The following FBXL17 variants were observed in gnomAD, a reference collection of about 807,000 sequenced individuals.
FBXL17 encodes F-box and leucine rich repeat protein 17.
Under a neutral mutation model 66.2 loss-of-function variants are expected in FBXL17, and 22 were observed. The observed-to-expected ratio is 0.33, with a 90% CI of 0.24 to 0.47. The LOEUF is 0.47. Ranked by LOEUF, FBXL17 falls within the 20% of genes least tolerant of loss-of-function variation. FBXL17 has a pLI of 1.00. For missense variants in FBXL17, 878 were observed against 948.2 expected, an observed-to-expected ratio of 0.93 and a Z score of 0.97; for synonymous variants, 474 against 400.5, an observed-to-expected ratio of 1.18 and a Z score of -2.19.
intron 6 of FBXL17, among the ~76,000 whole-genome samples, chr5:108,173,097 G>A (rs750885058): frequency 2.6e-5 from 4 of 152,050 alleles, no homozygotes; most frequent in Non-Finnish European, 5.9e-5. Context: ...CACTGTGCCC[G>A]GCCAACAGCA....
chr5:108,231,728 G>A (rs927742374), intron 4 of FBXL17, among the ~76,000 whole-genome samples: 1 of 152,128 alleles, frequency 6.6e-6, no homozygotes, highest in Admixed American at 6.5e-5. Context: ...GGGTTACAGT[G>A]TTGGCTGGGG....
intron 4 of FBXL17, among the ~76,000 whole-genome samples, chr5:108,252,914 C>T (rs1467443177): frequency 6.6e-6 from 1 of 152,172 alleles, no homozygotes; most frequent in Non-Finnish European, 1.5e-5. Flanking sequence ...GAATCAGTTA[C>T]ACCTATACTC....
intron 8 of FBXL17, chr5:107,880,792 A>G (rs554465737): frequency 7.4e-7 from 1 of 1,353,120 alleles, no homozygotes; most frequent in East Asian, 2.6e-5. Flanking sequence ...GACTATGTAT[A>G]TGATTACTTT....
At chr5:108,097,772 G>C (rs2149936892) in intron 6 of FBXL17, among the ~76,000 whole-genome samples, 1 of 137,664 alleles carries the variant, frequency 7.3e-6, no homozygotes, top group Non-Finnish European at 1.6e-5. Flanking sequence ...CTGGAAGACA[G>C]AGCGAGACTC....
intron 7 of FBXL17, among the ~76,000 whole-genome samples, chr5:107,994,657 G>A (rs1480879226): frequency 1.3e-5 from 2 of 152,040 alleles, no homozygotes; most frequent in Admixed American, 6.5e-5. Flanking sequence ...GGTCAAGATG[G>A]TGAAACCCCA....
chr5:108,189,296 T>C (rs1333213529), intron 5 of FBXL17, among the ~76,000 whole-genome samples: 3 of 21,058 alleles, frequency 1.4e-4, no homozygotes, highest in Admixed American at 3.1e-4. Context: ...TAGGATGGGA[T>C]GGGATGGGAT....
intron 7 of FBXL17, among the ~76,000 whole-genome samples, chr5:108,008,058 A>G (rs1200275934): frequency 2.0e-5 from 3 of 152,234 alleles, no homozygotes; most frequent in African/African-American, 7.2e-5. Context: ...CATTAGGGGA[A>G]TAAGGGACTA....
intron 5 of FBXL17, among the ~76,000 whole-genome samples, chr5:108,200,003 A>C (rs547683319): frequency 5.3e-5 from 8 of 152,228 alleles, no homozygotes; most frequent in African/African-American, 1.9e-4. Context: ...CCAAAGCTGA[A>C]GACACTGAAG....
intron 7 of FBXL17, among the ~76,000 whole-genome samples, chr5:107,988,816 G>T (rs1053068365): frequency 1.3e-5 from 2 of 151,926 alleles, no homozygotes; most frequent in African/African-American, 4.8e-5. Flanking sequence ...AACTGCCCAC[G>T]CTGGAATTTA....
intron 4 of FBXL17, among the ~76,000 whole-genome samples, chr5:108,334,847 G>A (rs527747189): frequency 1.3e-5 from 2 of 152,150 alleles, no homozygotes; most frequent in East Asian, 1.9e-4. Context: ...CAAAGAGCAC[G>A]TTAATAGTAA....
intron 4 of FBXL17, chr5:108,297,833 T>C (rs1580768154): frequency 1.2e-6 from 1 of 832,354 alleles, no homozygotes; most frequent in East Asian, 1.2e-4. Context: ...TGAATAAGCA[T>C]TTAACATTCT....
chr5:108,260,102 G>A (rs1756749573), intron 4 of FBXL17, among the ~76,000 whole-genome samples: 2 of 151,910 alleles, frequency 1.3e-5, no homozygotes, highest in Admixed American at 1.3e-4. Flanking sequence ...CCGGTTGTTG[G>A]AAAACTTTTC....
chr5:108,368,854 G>A (rs1748839891), intron 1 of FBXL17, among the ~76,000 whole-genome samples: 1 of 151,194 alleles, frequency 6.6e-6, no homozygotes, highest in Non-Finnish European at 1.5e-5. Context: ...AGTCAAGGCG[G>A]GAACTGTATC....
rs2112536178 is a variant in FBXL17 at position 107,903,834 on chromosome 5, T to C, written c.1823-22655A>G. 2.0e-5 allele frequency among the ~76,000 whole-genome samples: 3 copies of C among 152,298 alleles called. 1 individual carries two copies. The highest frequency in any genetic ancestry group is 2.0e-4 in the Admixed American group (3 of 15,286). ...TTTTACACCATGATTTGAGCTTTAC[T>C]GGTGCAACTTCAGAATCAATTTTCC... On this transcript the variant is annotated intron_variant, in intron 7 of 8. Transcript: ENST00000542267.
intron 7 of FBXL17, among the ~76,000 whole-genome samples, chr5:107,908,044 C>A (rs187120678): frequency 6.6e-6 from 1 of 152,102 alleles, no homozygotes; most frequent in East Asian, 1.9e-4. Context: ...TGGAACCAAC[C>A]GAAATGTCCA....
chr5:108,303,395 CAT>C (rs145451185), intron 4 of FBXL17, among the ~76,000 whole-genome samples: 4,061 of 115,668 alleles, frequency 0.035, 67 homozygotes, highest in South Asian at 0.084. Flanking sequence ...CACACACACA[CAT>C]ACCCACACAC....
At chr5:108,183,098 T>C (rs866911659) in intron 6 of FBXL17, among the ~76,000 whole-genome samples, 4 of 144,668 alleles carry the variant, frequency 2.8e-5, no homozygotes, top group African/African-American at 7.9e-5. Flanking sequence ...TGGAGTACAA[T>C]GGTGTGATCT....
intron 7 of FBXL17, among the ~76,000 whole-genome samples, chr5:107,904,537 C>A (rs74660974): frequency 3.0e-3 from 462 of 152,114 alleles, no homozygotes; most frequent in Non-Finnish European, 4.9e-3. Context: ...TCTAGTTATA[C>A]CAAGCATATT....
intron 6 of FBXL17, among the ~76,000 whole-genome samples, chr5:108,035,006 T>C (rs907363592): frequency 2.0e-5 from 3 of 152,120 alleles, no homozygotes; most frequent in Admixed American, 1.3e-4. Context: ...CCAATAAACA[T>C]TACATAATTT....
Sources: allele counts gnomAD v4.1 joint callset (sites outside exome capture counted in the v4.1 genomes callset), GRCh38; gene constraint gnomAD v4.1.1; transcripts MANE v1.5; gene names NCBI Gene and HGNC (gene_info 2026-07-23, HGNC 2026-07-21).